The following CD1E variants were observed in gnomAD, a reference collection of about 807,000 sequenced individuals.
CD1E encodes CD1e molecule, also known as T-cell surface glycoprotein CD1e, membrane-associated.
A neutral mutation model predicts 40.1 loss-of-function variants in CD1E; 49 were observed. The ratio of observed to expected loss-of-function variants is 1.22; its 90% CI spans 0.97 to 1.55. CD1E has a LOEUF of 1.55. Ranked by LOEUF, CD1E falls within the 40% of genes most tolerant of loss-of-function variation. CD1E has a pLI of 0.00. For synonymous variants in CD1E, 189 were observed against 178.3 expected (o/e 1.06, Z -0.48); for missense variants, 492 against 471.3 (o/e 1.04, Z -0.41).
At position 158,355,579 on chromosome 1, in the gene CD1E, ACT is replaced by A; in HGVS notation, c.625+20_625+21del. Reference sequence around the variant, plus strand: ...GAACTGAAACGGAAAGGTGAGCCCAACTCTCTCTCTCCCCTCTTGTTCCTAGT... The same window carrying A: ...GAACTGAAACGGAAAGGTGAGCCCAACTCTCTCTCCCCTCTTGTTCCTAGT... On this transcript the variant is annotated intron_variant, in intron 3 of 5. Coordinates refer to ENST00000368167, the MANE Select transcript of CD1E (RefSeq NM_030893.4). 1.2e-6 allele frequency: 2 copies of A among 1,609,364 alleles called. No homozygotes were observed. The highest frequency in any genetic ancestry group is 1.1e-5 in the South Asian group (1 of 90,710).
At position 158,355,568 on chromosome 1, in the gene CD1E, A is replaced by G. The variant is rs759272165; in HGVS notation, c.624A>G (p.Lys208=). The G allele has an allele frequency of 4.3e-6, 7 of 1,613,530 alleles. No homozygotes were observed. The Admixed American group carries it at 6.7e-5, about 15-fold the overall frequency. The change falls in exon 3 of 6, where the codon AAA becomes AAG. Residue 208 remains lysine, a splice_region_variant and synonymous_variant. Coordinates refer to ENST00000368167, the MANE Select transcript of CD1E (RefSeq NM_030893.4). ...MEAGESELKR[K]VKPEAWLSCG... ...CAGGGGAGTCAGAACTGAAACGGAA[A>G]GGTGAGCCCAACTCTCTCTCTCCCC...
chr1:158,355,890 G>A lies in CD1E; in HGVS notation c.689G>A (p.Cys230Tyr), dbSNP rs1243454978. 3 of 1,614,022 alleles carry A rather than the reference G, an allele frequency of 1.9e-6. No individual in the cohort carries two copies. Among genetic ancestry groups the A allele is most frequent in the Admixed American group, 3.3e-5 (2 of 60,004 alleles). The stretch of plus-strand genomic sequence containing the variant: ...GGCCCTGGCCGTCTGCAGCTTGTGT[G>A]CCATGTCTCAGGATTCTACCCAAAG... ...SPGPGRLQLV[C>Y]HVSGFYPKPV... Residue 230 changes from cysteine to tyrosine, a missense_variant, in exon 4 of 6, where the codon TGC (cysteine) becomes TAC (tyrosine). By Grantham distance (194) the Cys-to-Tyr change is radical. Coordinates refer to ENST00000368167, the MANE Select transcript of CD1E (RefSeq NM_030893.4).
chr1:158,356,089 T>A lies in CD1E; in HGVS notation c.888T>A (p.Asp296Glu). 2 of 1,613,692 alleles carry A rather than the reference T, an allele frequency of 1.2e-6. No individual in the cohort carries two copies. The highest frequency in any genetic ancestry group is 1.1e-5 in the South Asian group (1 of 91,024). ...AACACAGCAGTCTAGGGGGCCATGATCTAATCATCCATTGGGGTGAGAAAC... is the reference window on the plus strand; with the variant it reads ...AACACAGCAGTCTAGGGGGCCATGAACTAATCATCCATTGGGGTGAGAAAC... ...RVKHSSLGGH[D>E]LIIHWGGYSI... Residue 296 changes from aspartate (D) to glutamate (E), a missense_variant, in exon 4 of 6, where the codon GAT (aspartate) becomes GAA (glutamate). Physicochemically the swap from Asp to Glu is conservative, Grantham distance 45. Transcript: ENST00000368167.
In CD1E at chr1:158,356,489, C is replaced by T. The variant is rs557358855; in HGVS notation, c.905-9C>T. On this transcript the variant is annotated splice_polypyrimidine_tract_variant and intron_variant, in intron 4 of 5. Transcript: ENST00000368167. Reference sequence around the variant, plus strand: ...TTAGGGTTGGTATTCTTATTCTATCCCCAACCAGGTGGATATTCCATCTTT... The same window carrying T: ...TTAGGGTTGGTATTCTTATTCTATCTCCAACCAGGTGGATATTCCATCTTT... The T allele has an allele frequency of 4.4e-6, 7 of 1,591,164 alleles. No homozygotes were observed. The South Asian group carries it at 6.7e-5, about 15-fold the overall frequency.
chr1:158,357,126 T>C lies in CD1E; in HGVS notation c.*230T>C. On this transcript the variant is annotated 3_prime_UTR_variant, in exon 6 of 6. Coordinates refer to ENST00000368167, the MANE Select transcript of CD1E (RefSeq NM_030893.4). The stretch of plus-strand genomic sequence containing the variant: ...ATCCAGATACTTCTTTTTCATGGAT[T>C]CCCGAGATCACCCAATTGATAGCTC... 1 of 447,056 alleles carries C rather than the reference T, an allele frequency of 2.2e-6. No homozygotes were observed. Among genetic ancestry groups the C allele is most frequent in the Non-Finnish European group, 4.0e-6 (1 of 248,704 alleles). 27.7% of individuals were successfully genotyped at this position (447,056 alleles called of 1,614,324 possible).
rs775676287 is a variant in CD1E, at chr1:158,356,808, C to G, written c.1079C>G (p.Ser360Ter). Residue 360 changes from serine to a stop codon, truncating the protein, a stop_gained, in exon 6 of 6, where the codon TCA (serine) becomes TGA (stop). Transcript: ENST00000368167. LOFTEE classifies it low-confidence loss of function (END_TRUNC). ...MGANTQDTKN[S>*]RHQFCLAQVS... is the part of the protein sequence containing the mutation. ...GCCAACACTCAGGACACCAAGAATT[C>G]AAGACATCAGTTCTGCTTGGCACAA... 3.1e-6 allele frequency: 5 copies of G among 1,613,828 alleles called. No homozygotes were observed. In the African/African-American group the frequency reaches 4.0e-5, roughly 13 times the overall value.
intron 3 of CD1E, 84 bp downstream of exon 3, chr1:158,355,653 G>T: frequency 6.8e-7 from 1 of 1,476,888 alleles, no homozygotes; most frequent in South Asian, 1.3e-5. Flanking sequence ...CATTTTGAAA[G>T]ACATAGTGAG....
intron 2 of CD1E, 67 bp from the exon 3 acceptor site, chr1:158,355,233 C>T: frequency 6.7e-7 from 1 of 1,503,564 alleles, no homozygotes; most frequent in Non-Finnish European, 9.1e-7. Context: ...TCTTTACTGT[C>T]TAAATTGTTT....
rs768266001 is a variant in CD1E, at chr1:158,355,360, A to G, written c.416A>G (p.Asn139Ser). 1.1e-5 allele frequency: 17 copies of G among 1,613,860 alleles called. No homozygotes were observed. The highest frequency in any genetic ancestry group is 1.4e-5 in the Non-Finnish European group (17 of 1,179,898). Residue 139 changes from asparagine to serine, a missense_variant, in exon 3 of 6, where the codon AAT becomes AGT. Physicochemically the swap from Asn to Ser is conservative, Grantham distance 46 (BLOSUM62 1). Coordinates refer to ENST00000368167, the MANE Select transcript of CD1E (RefSeq NM_030893.4). Reference protein sequence around the residue: ...CRMNAPQIFLNMAYQGSDFLS... With the variant: ...CRMNAPQIFLSMAYQGSDFLS... The stretch of plus-strand genomic sequence containing the variant: ...ATGAATGCCCCACAAATCTTCTTAA[A>G]TATGGCATATCAAGGGTCAGATTTC...
intron 4 of CD1E, 163 bp from the exon 5 acceptor site, chr1:158,356,335 G>T: frequency 1.3e-6 from 1 of 759,338 alleles, no homozygotes; most frequent in Non-Finnish European, 2.1e-6. Context: ...GTGGGAGAGG[G>T]TTGGGAGGAG....
chr1:158,355,148 ACAAATTTTCT>A, intron 2 of CD1E, 142 bp from the exon 3 acceptor site: 2 of 387,876 alleles, frequency 5.2e-6, no homozygotes, highest in Non-Finnish European at 7.8e-6. Flanking sequence ...TTTTCTTCCC[ACAAATTTTCT>A]TCCCCTTTGC....
At position 158,357,075 on chromosome 1, in the gene CD1E, C is replaced by T. The variant is rs1219834367; in HGVS notation, c.*179C>T. 1 of 568,374 alleles carries T rather than the reference C, an allele frequency of 1.8e-6. No homozygotes were observed. The highest frequency in any genetic ancestry group is 2.9e-5 in the East Asian group (1 of 35,086). 35.2% of individuals were successfully genotyped at this position (568,374 alleles called of 1,614,324 possible). On this transcript the variant is annotated 3_prime_UTR_variant, in exon 6 of 6. Transcript: ENST00000368167. ...TTTTTTCCTGCTTTGGCTACATATC[C>T]ATCATTGTTTATTTTTGAAACTATA...
intron 3 of CD1E, 22 bp from the exon 4 acceptor site, chr1:158,355,805 T>G (rs755620996): frequency 1.3e-6 from 2 of 1,592,242 alleles, no homozygotes; most frequent in Non-Finnish European, 1.7e-6. Flanking sequence ...ATTCCATTTT[T>G]TTTCTATCTT....
Position 158,354,416 on chromosome 1 carries a change from A to C in CD1E, c.98A>C (p.Glu33Ala). The change falls in exon 2 of 6, where the codon GAG becomes GCG. Residue 33 changes from glutamate (E) to alanine (A), a missense_variant. By Grantham distance (107) the Glu-to-Ala change is moderately radical. Transcript: ENST00000368167. ...ALQSYHLAAE[E>A]QLSFRMLQTS... The stretch of plus-strand genomic sequence containing the variant: ...CAATCCTATCATCTAGCAGCAGAGG[A>C]GCAGCTGTCCTTCCGCATGCTCCAA... The C allele has an allele frequency of 6.2e-7, 1 of 1,613,296 alleles. No homozygotes were observed. Among genetic ancestry groups the C allele is most frequent in the South Asian group, 1.1e-5 (1 of 90,930 alleles).
At chr1:158,354,825 C>G in intron 2 of CD1E, 152 bp downstream of exon 2, 1 of 660,626 alleles carries the variant, frequency 1.5e-6, no homozygotes, top group South Asian at 1.9e-5. Flanking sequence ...TCACCCTTCA[C>G]CACCACCCAC....
chr1:158,354,095 C>T, intron 1 of CD1E, 49 bp downstream of exon 1: 1 of 1,507,456 alleles, frequency 6.6e-7, no homozygotes, highest in Non-Finnish European at 9.2e-7. Context: ...CACCAGAGGG[C>T]TGAGAGGAAG....
In CD1E at chr1:158,354,458, A is replaced by T; in HGVS notation, c.140A>T (p.Asn47Ile). 2 of 1,614,054 alleles carry T rather than the reference A, an allele frequency of 1.2e-6. No homozygotes were observed. Among genetic ancestry groups the T allele is most frequent in the Non-Finnish European group, 1.7e-6 (2 of 1,180,004 alleles). ...FRMLQTSSFA[N>I]HSWAHSEGSG... ...ATGCTCCAAACTTCCTCCTTTGCCA[A>T]CCACAGCTGGGCACACAGTGAGGGC... The change falls in exon 2 of 6, where the codon AAC becomes ATC. Residue 47 changes from asparagine to isoleucine, a missense_variant. Transcript: ENST00000368167.
chr1:158,354,026 G>C lies in CD1E; in HGVS notation c.38G>C (p.Cys13Ser). 6.2e-7 allele frequency: 1 copy of C among 1,614,054 alleles called. No homozygotes were observed. Among genetic ancestry groups the C allele is most frequent in the Non-Finnish European group, 8.5e-7 (1 of 1,179,912 alleles). The change falls in exon 1 of 6, where the codon TGT (cysteine) becomes TCT (serine). Residue 13 changes from cysteine (C) to serine (S), a missense_variant. Physicochemically the swap from Cys to Ser is moderately radical, Grantham distance 112. Coordinates refer to ENST00000368167, the MANE Select transcript of CD1E (RefSeq NM_030893.4). ...TTCCTCCTCTTCGAGGGTCTCTGCT[G>C]TCCTGGGGAAAATACAGCAGGTAAG... ...LLFLLFEGLC[C>S]PGENTAAPQA...
chr1:158,355,029 C>T (rs16840106), intron 2 of CD1E, among the ~76,000 whole-genome samples: 6,081 of 152,138 alleles, frequency 0.04, 407 homozygotes, highest in African/African-American at 0.14. Flanking sequence ...TGGCCTGTAC[C>T]TAACCACTTT....
Sources: gnomAD v4.1 joint callset for allele counts (sites outside exome capture counted in the v4.1 genomes callset) on GRCh38, gnomAD v4.1.1 for gene constraint, MANE v1.5 for transcripts, NCBI Gene and HGNC (gene_info 2026-07-23, HGNC 2026-07-21) for gene names.